The following PCDHA2 variants were observed in gnomAD, a reference collection of about 807,000 sequenced individuals.
The protein encoded by PCDHA2 is protocadherin alpha 2, also known as protocadherin alpha-2.
PCDHA2 carries 58 observed loss-of-function variants against 66.0 expected under a neutral mutation model. The ratio of observed to expected loss-of-function variants is 0.88; its 90% confidence interval spans 0.71 to 1.09. PCDHA2 has a LOEUF of 1.09. Ranked by LOEUF, PCDHA2 falls within the 50% of genes least tolerant of loss-of-function variation. PCDHA2 has a pLI of 0.00. For missense variants in PCDHA2, 1,267 were observed against 1,242.3 expected, an observed-to-expected ratio of 1.02 and a Z score of -0.30; for synonymous variants, 634 against 554.0, an observed-to-expected ratio of 1.14 and a Z score of -2.03.
At chr5:140,803,549 T>C (rs1206713786) in intron 1 of PCDHA2, 4 of 1,614,228 alleles carry the variant, frequency 2.5e-6, no homozygotes, top group Non-Finnish European at 3.4e-6. Context: ...TTAGCCGGGA[T>C]AGAGAGGAGA....
Position 140,796,181 on chromosome 5 carries a change from C to T in PCDHA2, c.1217C>T (p.Ser406Leu), listed in dbSNP as rs782143302. ...KLVSTFKNYY[S>L]LVLDSALDRE... ...GTGTCCACCTTCAAGAATTACTACT[C>T]GTTGGTGCTGGACAGCGCCCTGGAC... Residue 406 changes from serine (S) to leucine (L), a missense_variant, in exon 1 of 4, where the codon TCG becomes TTG. Physicochemically the swap from Ser to Leu is moderately radical, Grantham distance 145. Transcript: ENST00000526136. 6 of 1,614,202 alleles carry T rather than the reference C, an allele frequency of 3.7e-6. No homozygotes were observed. The highest frequency in any genetic ancestry group is 1.7e-5 in the Admixed American group (1 of 60,034).
At chr5:140,966,454 C>T (rs897696652) in intron 1 of PCDHA2, 6 of 426,406 alleles carry the variant, frequency 1.4e-5, no homozygotes, top group Admixed American at 4.4e-5. Flanking sequence ...TCCCCCTCCC[C>T]CTCTGTCTTC....
intron 1 of PCDHA2, chr5:140,858,035 A>T: frequency 6.3e-7 from 1 of 1,597,220 alleles, no homozygotes; most frequent in East Asian, 2.2e-5. Context: ...GGCCACGGCC[A>T]CTGTGCTTGT....
At chr5:140,899,781 T>C (rs1187719719) in intron 1 of PCDHA2, among the ~76,000 whole-genome samples, 1 of 152,218 alleles carries the variant, frequency 6.6e-6, no homozygotes, top group Non-Finnish European at 1.5e-5. Context: ...TTACCTCTGG[T>C]ATAATTCGGC....
At chr5:140,841,949 T>A in intron 1 of PCDHA2, 2 of 1,613,920 alleles carry the variant, frequency 1.2e-6, no homozygotes, top group Non-Finnish European at 1.7e-6. Context: ...TGCGCACCAC[T>A]TATTCCTGAC....
intron 3 of PCDHA2, among the ~76,000 whole-genome samples, chr5:140,992,867 C>T (rs2097531825): frequency 6.6e-6 from 1 of 152,184 alleles, no homozygotes; most frequent in Admixed American, 6.5e-5. Context: ...CTCTAGCTCC[C>T]TCCTTGATAT....
At chr5:140,823,987 C>T in intron 1 of PCDHA2, 2 of 1,614,204 alleles carry the variant, frequency 1.2e-6, no homozygotes, top group Non-Finnish European at 1.7e-6. Context: ...CAAGCCCACT[C>T]TGTTGTGCTC....
At chr5:140,995,946 C>A (rs2097705145) in intron 3 of PCDHA2, among the ~76,000 whole-genome samples, 1 of 152,192 alleles carries the variant, frequency 6.6e-6, no homozygotes, top group South Asian at 2.1e-4. Flanking sequence ...TGACATAATG[C>A]ACGCAAAATG....
At chr5:140,931,189 C>A (rs2087353658) in intron 1 of PCDHA2, among the ~76,000 whole-genome samples, 1 of 152,112 alleles carries the variant, frequency 6.6e-6, no homozygotes, top group Non-Finnish European at 1.5e-5. Flanking sequence ...GAAATTGGTG[C>A]ACTACAATGC....
chr5:140,969,225 C>G (rs782766938), intron 1 of PCDHA2: 13 of 1,614,118 alleles, frequency 8.1e-6, no homozygotes, highest in Admixed American at 1.7e-5. Flanking sequence ...CCAGGGCCTT[C>G]GGGAGCCCAA....
chr5:140,817,688 C>CAGTA, intron 1 of PCDHA2: 1 of 152,288 alleles, frequency 6.6e-6, no homozygotes, highest in Admixed American at 6.5e-5. Context: ...TCTAGACACA[C>CAGTA]AGTACATTAT....
intron 1 of PCDHA2, chr5:140,824,185 C>A: frequency 6.2e-7 from 1 of 1,603,316 alleles, no homozygotes; most frequent in Non-Finnish European, 8.5e-7. Flanking sequence ...TATTAAATGT[C>A]ACATTCACCC....
chr5:140,861,449 C>A (rs1448075777), intron 1 of PCDHA2: 11 of 493,904 alleles, frequency 2.2e-5, no homozygotes, highest in Admixed American at 1.0e-4. Flanking sequence ...GCCGCAGAAA[C>A]CTTCTGGAGG....
Position 140,927,005 on chromosome 5 carries a change from A to G in PCDHA2, c.2389-51944A>G, listed in dbSNP as rs1554203909. On this transcript the variant is annotated intron_variant, in intron 1 of 3. Coordinates refer to ENST00000526136, the MANE Select transcript of PCDHA2 (RefSeq NM_018905.3). ...ACGGAGCGGGGCGTAGCCGTAGGCA[A>G]TCTCTCCGCGGACTTGAGGCTGCCA... 6 of 1,612,394 alleles carry G rather than the reference A, an allele frequency of 3.7e-6. No homozygotes were observed. The South Asian group carries it at 4.4e-5, about 12-fold the overall frequency.
chr5:140,950,668 T>C (rs185130303), intron 1 of PCDHA2, among the ~76,000 whole-genome samples: 5 of 152,238 alleles, frequency 3.3e-5, no homozygotes, highest in African/African-American at 9.6e-5. Flanking sequence ...TTATCAAACA[T>C]GTACATGTAT....
intron 1 of PCDHA2, among the ~76,000 whole-genome samples, chr5:140,915,929 C>A (rs1554197194): frequency 1.3e-5 from 2 of 152,144 alleles, no homozygotes; most frequent in African/African-American, 4.8e-5. Context: ...ACTTGGGAGT[C>A]AGGGATTGGA....
intron 1 of PCDHA2, chr5:140,829,824 G>A: frequency 6.2e-7 from 1 of 1,613,914 alleles, no homozygotes; most frequent in East Asian, 2.2e-5. Context: ...GGTGCAGTGA[G>A]CGAGCTGGTG....
intron 1 of PCDHA2, chr5:140,803,598 A>G: frequency 6.2e-7 from 1 of 1,614,076 alleles, no homozygotes; most frequent in South Asian, 1.1e-5. Context: ...CAAAGTGAGT[A>G]ATTTTTATTT....
At chr5:140,976,884 A>T (rs1423993981) in intron 1 of PCDHA2, among the ~76,000 whole-genome samples, 1 of 152,232 alleles carries the variant, frequency 6.6e-6, no homozygotes, top group Non-Finnish European at 1.5e-5. Context: ...AAGAATTAGG[A>T]TACATGCAAC....
Sources: gnomAD v4.1 joint callset for allele counts (sites outside exome capture counted in the v4.1 genomes callset) on GRCh38, gnomAD v4.1.1 for gene constraint, MANE v1.5 for transcripts, NCBI Gene and HGNC (gene_info 2026-07-23, HGNC 2026-07-21) for gene names.